The following USH2A variants were observed in gnomAD, a reference collection of about 807,000 sequenced individuals.
USH2A encodes the protein Usher syndrome 2A (autosomal recessive, mild).
A neutral mutation model predicts 538.9 loss-of-function variants in USH2A; 443 were observed. The observed-to-expected ratio is 0.82, with a 90% CI of 0.76 to 0.89. The LOEUF (loss-of-function observed/expected upper bound fraction) is 0.89, where lower values mean the gene tolerates loss of function less well. Among genes scored for constraint, USH2A ranks in the 40% least tolerant of loss-of-function variants. The probability of loss-of-function intolerance (pLI) is 0.00; values close to 1 mark genes in which losing one functional copy is unlikely to be tolerated. For missense variants in USH2A, 6,633 were observed against 6,324.8 expected, an observed-to-expected ratio of 1.05 and a Z score of -1.65; for synonymous variants, 2,413 against 2,273.5, an observed-to-expected ratio of 1.06 and a Z score of -1.75.
intron 62 of USH2A, among the ~76,000 whole-genome samples, chr1:215,676,781 C>CA (rs1359976039): frequency 2.0e-5 from 3 of 151,926 alleles, no homozygotes; most frequent in Admixed American, 1.3e-4. Flanking sequence ...CCTCTGTGAC[C>CA]CCCCAAGCAC....
intron 47 of USH2A, among the ~76,000 whole-genome samples, chr1:215,829,765 G>T (rs1663261251): frequency 6.6e-6 from 1 of 152,162 alleles, no homozygotes; most frequent in South Asian, 2.1e-4. Flanking sequence ...TTTGGAAAAT[G>T]TTACTCTGCT....
At chr1:216,072,842 C>T (rs752636046) in intron 29 of USH2A, 47 bp downstream of exon 29, 1 of 1,475,188 alleles carries the variant, frequency 6.8e-7, no homozygotes, top group South Asian at 1.1e-5. Context: ...TGCACAAATA[C>T]ATGCATGTGT....
Position 215,817,015 on chromosome 1 carries a change from G to A in USH2A, c.9552C>T (p.Cys3184=), listed in dbSNP as rs1328841882. 8 of 1,612,470 alleles carry A rather than the reference G, an allele frequency of 5.0e-6. No individual in the cohort carries two copies. In the East Asian group the frequency reaches 6.7e-5, roughly 13 times the overall value. The change falls in exon 48 of 72, where the codon TGC becomes TGT. Residue 3184 remains cysteine, a synonymous_variant. Transcript: ENST00000307340. The part of the protein sequence containing the change: ...QKPESICGHI[C]YSSEAKVCCN... ...GACTTACCTTAGCTTCAGAAGAATAGCAAATGTGTCCACAGATAGATTCAG... is the reference window on the plus strand; with the variant it reads ...GACTTACCTTAGCTTCAGAAGAATAACAAATGTGTCCACAGATAGATTCAG...
chr1:216,087,492 C>A (rs1201551046), intron 23 of USH2A, among the ~76,000 whole-genome samples: 5 of 152,050 alleles, frequency 3.3e-5, no homozygotes, highest in Non-Finnish European at 7.4e-5. Context: ...TGCCTGAGAC[C>A]CAAACCTGAC....
At position 216,324,335 on chromosome 1, in the gene USH2A, A is replaced by G. The variant is rs2102654360; in HGVS notation, c.1161T>C (p.Ile387=). ...NGQYQVFYII[I]QFFSPQPTEI... ...CCGTTGGTTGTGGACTAAAGAACTGAATGATAATATAAAACACCTGAAAAT... is the reference window on the plus strand; with the variant it reads ...CCGTTGGTTGTGGACTAAAGAACTGGATGATAATATAAAACACCTGAAAAT... Residue 387 remains isoleucine, a synonymous_variant, in exon 7 of 72, where the codon ATT becomes ATC. Transcript: ENST00000307340. The G allele has an allele frequency of 2.5e-6, 4 of 1,611,818 alleles. No individual in the cohort carries two copies. The highest frequency in any genetic ancestry group is 3.4e-6 in the Non-Finnish European group (4 of 1,178,776).
intron 30 of USH2A, among the ~76,000 whole-genome samples, chr1:216,068,003 C>A (rs61826861): frequency 0.26 from 39,228 of 152,026 alleles, 5,791 homozygotes; most frequent in South Asian, 0.44. Context: ...AAGAAGTGAG[C>A]AAAGGACACT....
intron 4 of USH2A, among the ~76,000 whole-genome samples, chr1:216,357,279 C>T (rs1319905061): frequency 2.0e-5 from 3 of 152,090 alleles, no homozygotes; most frequent in Non-Finnish European, 2.9e-5. Flanking sequence ...TATCTATATA[C>T]TATATTCCTA....
intron 40 of USH2A, among the ~76,000 whole-genome samples, chr1:215,892,449 A>G (rs1195892820): frequency 1.3e-5 from 2 of 152,226 alleles, no homozygotes; most frequent in African/African-American, 4.8e-5. Flanking sequence ...ATATGGATGT[A>G]TAATTATATA....
At chr1:216,177,594 AG>A (rs1001284430) in intron 20 of USH2A, among the ~76,000 whole-genome samples, 6 of 152,100 alleles carry the variant, frequency 3.9e-5, no homozygotes, top group Non-Finnish European at 7.4e-5. Flanking sequence ...CAGTGGGCTT[AG>A]CCTTGGAGCA....
chr1:216,292,244 C>T lies in USH2A; in HGVS notation c.1771G>A (p.Asp591Asn). ...CTGAAGTGCTCAAAAGGAAATGGGT[C>T]TACAGAGATGTTGTAATGGCAGCTT... Reference protein sequence around the residue: ...SKSCHYNISVDPFPFEHFRGG... With the variant: ...SKSCHYNISVNPFPFEHFRGG... Residue 591 changes from aspartate to asparagine, a missense_variant, in exon 10 of 72, where the codon GAC becomes AAC. Asp to Asn is a conservative substitution (Grantham distance 23). Coordinates refer to ENST00000307340, the MANE Select transcript of USH2A (RefSeq NM_206933.4). The T allele has an allele frequency of 6.2e-7, 1 of 1,614,074 alleles. No homozygotes were observed. Among genetic ancestry groups the T allele is most frequent in the Non-Finnish European group, 8.5e-7 (1 of 1,179,980 alleles).
rs562461672 is a variant in USH2A, at chr1:215,859,559, C to T, written c.8845+7448G>A. ...CAAAAAAAATAAAGTAGTATTCTCC[C>T]ATGCAAAACTCGTGTAGAAGGCCAA... is the stretch of plus-strand genomic sequence containing the variant. On this transcript the variant is annotated intron_variant, in intron 44 of 71. Transcript: ENST00000307340. Among the ~76,000 whole-genome samples the T allele has an allele frequency of 4.4e-4, 67 of 152,092 alleles. No individual in the cohort carries two copies. The South Asian group carries it at 0.014, about 31-fold the overall frequency.
chr1:216,159,612 G>A lies in USH2A; in HGVS notation c.4627+15640C>T, dbSNP rs181488986. Among the ~76,000 whole-genome samples the A allele has an allele frequency of 1.3e-3, 194 of 151,592 alleles. 2 individuals are homozygous for A. The East Asian group carries it at 0.013, about 10-fold the overall frequency. The stretch of plus-strand genomic sequence containing the variant: ...CTACTTTTGTGATTATTATTGACCT[G>A]TGTTTTCCTTTATGTTAATTTCTTT... On this transcript the variant is annotated intron_variant, in intron 21 of 71. Coordinates refer to ENST00000307340, the MANE Select transcript of USH2A (RefSeq NM_206933.4).
chr1:216,084,659 G>A (rs1421632271), intron 25 of USH2A, 39 bp downstream of exon 25: 1 of 1,603,876 alleles, frequency 6.2e-7, no homozygotes, highest in South Asian at 1.1e-5. Context: ...ATAGAACATA[G>A]ATTTTAAGTG....
rs1655868591 is a variant in USH2A, at chr1:215,623,280, TTCA to T, written c.*2498_*2500del. 6.6e-6 allele frequency: 1 copy of T among 151,912 alleles called. No individual in the cohort carries two copies. The highest frequency in any genetic ancestry group is 1.5e-5 in the Non-Finnish European group (1 of 67,968). The allele number at this position is 151,912 out of a possible 1,614,324, so 9.4% of individuals were successfully genotyped here. A position where few individuals can be genotyped will look rare whatever the true frequency, so the allele number is the denominator to read the frequency against. ...GTCAGGAGATTTAAATTTAAAGAGG[TTCA>T]TCAAGAACTGCTCATTGTTTATAAG... On this transcript the variant is annotated 3_prime_UTR_variant, in exon 72 of 72. Coordinates refer to ENST00000307340, the MANE Select transcript of USH2A (RefSeq NM_206933.4).
intron 32 of USH2A, among the ~76,000 whole-genome samples, chr1:216,006,872 G>C (rs60527894): frequency 0.027 from 4,105 of 152,182 alleles, 176 homozygotes; most frequent in African/African-American, 0.094. Flanking sequence ...GACCCTATAT[G>C]TTTTCTGCAT....
chr1:216,323,341 C>T, intron 8 of USH2A, 133 bp downstream of exon 8: 2 of 690,586 alleles, frequency 2.9e-6, no homozygotes, highest in Non-Finnish European at 2.5e-6. Context: ...TACAGATCTT[C>T]CCCTAAAATC....
intron 21 of USH2A, among the ~76,000 whole-genome samples, chr1:216,112,165 A>C (rs1334328566): frequency 6.6e-6 from 1 of 152,200 alleles, no homozygotes; most frequent in Admixed American, 6.5e-5. Flanking sequence ...ACCTGAAAAT[A>C]TGAGCGCCCT....
In USH2A at chr1:215,674,245, C is replaced by G. The variant is rs1160934238; in HGVS notation, c.13666G>C (p.Val4556Leu). 6.2e-7 allele frequency: 1 copy of G among 1,614,044 alleles called. No homozygotes were observed. Among genetic ancestry groups the G allele is most frequent in the African/African-American group, 1.3e-5 (1 of 74,914 alleles). The change falls in exon 63 of 72, where the codon GTG becomes CTG. Residue 4556 changes from valine (V) to leucine (L), a missense_variant. Val to Leu is a conservative substitution (Grantham distance 32). Transcript: ENST00000307340. ...TTGATGATATCACCATTTGTTCTCA[C>G]TGGAGGGTCCCAGTTCACTAAGATC... The part of the protein sequence containing the change: ...QEILVNWDPP[V>L]RTNGDIINYT...
intron 61 of USH2A, among the ~76,000 whole-genome samples, chr1:215,706,459 A>G (rs1659186053): frequency 6.6e-6 from 1 of 152,202 alleles, no homozygotes. Flanking sequence ...AGTCAGGAAA[A>G]GTAGACATTA....
Sources: allele counts gnomAD v4.1 joint callset (sites outside exome capture counted in the v4.1 genomes callset), GRCh38; gene constraint gnomAD v4.1.1; transcripts MANE v1.5; gene names NCBI Gene and HGNC (gene_info 2026-07-23, HGNC 2026-07-21).